RIMS4: variants seen among roughly 807,000 people sequenced by gnomAD.
RIMS4 encodes regulating synaptic membrane exocytosis 4, also known as regulating synaptic membrane exocytosis protein 4.
A neutral mutation model predicts 29.0 loss-of-function variants in RIMS4; 9 were observed. The observed-to-expected ratio is 0.31, with a 90% CI of 0.19 to 0.54. RIMS4 has a LOEUF of 0.54. RIMS4 is among the 20% of genes least tolerant of loss of function. RIMS4 has a pLI of 0.94. For missense variants in RIMS4, 193 were observed against 365.7 expected (o/e 0.53, Z 3.85); for synonymous variants, 130 against 152.9 (o/e 0.85, Z 1.10).
At chr20:44,767,545 C>T (rs965372118) in intron 2 of RIMS4, among the ~76,000 whole-genome samples, 1 of 152,188 alleles carries the variant, frequency 6.6e-6, no homozygotes, top group African/African-American at 2.4e-5. Context: ...ACCAAACCAT[C>T]CTGGAAGCCT....
At chr20:44,800,158 C>G (rs939783611) in intron 1 of RIMS4, among the ~76,000 whole-genome samples, 1 of 152,192 alleles carries the variant, frequency 6.6e-6, no homozygotes, top group African/African-American at 2.4e-5. Flanking sequence ...TTCTCTGGAA[C>G]TCTCACAGTG....
chr20:44,777,349 T>C (rs2066164600), intron 1 of RIMS4, among the ~76,000 whole-genome samples: 1 of 152,222 alleles, frequency 6.6e-6, no homozygotes, highest in Non-Finnish European at 1.5e-5. Flanking sequence ...TTAATGTACG[T>C]TCTCCCAAAA....
At position 44,810,521 on chromosome 20, in the gene RIMS4, G is replaced by A. The variant is rs1421331911; in HGVS notation, c.-250C>T. On this transcript the variant is annotated 5_prime_UTR_variant, in exon 1 of 6. Coordinates refer to ENST00000372851, the MANE Select transcript of RIMS4 (RefSeq NM_182970.4). ...GGCGGCGGCGGCGGCGGCGGTGGCG[G>A]CGGCGGTGGCGGCGCAGCGCGCTCT... is the stretch of plus-strand genomic sequence containing the variant. 6.9e-6 allele frequency among the ~76,000 whole-genome samples: 1 copy of A among 145,432 alleles called. No individual in the cohort carries two copies. The highest frequency in any genetic ancestry group is 2.5e-5 in the African/African-American group (1 of 40,568).
rs147959476 is a variant in RIMS4, at chr20:44,769,997, C to T, written c.236+1278G>A. ...GTTGTCGCTAGCCACAAGTTGCTAG[C>T]GAGCACTTGAAATATGGCTAGTGCA... On this transcript the variant is annotated intron_variant, in intron 2 of 5. Coordinates refer to ENST00000372851, the MANE Select transcript of RIMS4 (RefSeq NM_182970.4). 7.0e-3 allele frequency among the ~76,000 whole-genome samples: 1,068 copies of T among 152,292 alleles called. 2 individuals carry two copies. Among genetic ancestry groups the T allele is most frequent in the Non-Finnish European group, 0.011 (724 of 68,018 alleles).
chr20:44,783,542 T>C (rs2066194315), intron 1 of RIMS4, among the ~76,000 whole-genome samples: 1 of 151,982 alleles, frequency 6.6e-6, no homozygotes, highest in South Asian at 2.1e-4. Context: ...GAGAATCACT[T>C]GAACCCAGGA....
At chr20:44,798,204 G>A (rs2066262882) in intron 1 of RIMS4, among the ~76,000 whole-genome samples, 1 of 152,212 alleles carries the variant, frequency 6.6e-6, no homozygotes, top group African/African-American at 2.4e-5. Context: ...CCTCCAAAGA[G>A]GGACTTGGAA....
At chr20:44,803,418 A>G (rs1431774283) in intron 1 of RIMS4, among the ~76,000 whole-genome samples, 2 of 152,166 alleles carry the variant, frequency 1.3e-5, no homozygotes, top group African/African-American at 4.8e-5. Context: ...CAGTCTTGGA[A>G]AGCCAGACCT....
chr20:44,780,530 A>G (rs905260016), intron 1 of RIMS4, among the ~76,000 whole-genome samples: 1 of 152,192 alleles, frequency 6.6e-6, no homozygotes, highest in African/African-American at 2.4e-5. Flanking sequence ...CCACATAAAG[A>G]CAGGAATTTC....
In RIMS4 at chr20:44,789,532, G is replaced by A. The variant is rs1032452907; in HGVS notation, c.98-18119C>T. Reference sequence around the variant, plus strand: ...AGGATGGTCTCAATCTCCTGGCCTCGTGATCCGCCCGTCATCACAATATGA... The same window carrying A: ...AGGATGGTCTCAATCTCCTGGCCTCATGATCCGCCCGTCATCACAATATGA... On this transcript the variant is annotated intron_variant, in intron 1 of 5. Transcript: ENST00000372851. 3.9e-5 allele frequency among the ~76,000 whole-genome samples: 6 copies of A among 152,038 alleles called. No individual in the cohort carries two copies. In the South Asian group the frequency reaches 6.2e-4, roughly 16 times the overall value.
In RIMS4 at chr20:44,808,176, C is replaced by T. The variant is rs544626583; in HGVS notation, c.97+1999G>A. On this transcript the variant is annotated intron_variant, in intron 1 of 5. Coordinates refer to ENST00000372851, the MANE Select transcript of RIMS4 (RefSeq NM_182970.4). ...ATACACACACACCCCCATCCATTTGCGGGCAAAAAGGGGATAGACAAGATG... is the reference window on the plus strand; with the variant it reads ...ATACACACACACCCCCATCCATTTGTGGGCAAAAAGGGGATAGACAAGATG... Among the ~76,000 whole-genome samples, 12 of 151,668 alleles carry T rather than the reference C, an allele frequency of 7.9e-5. No individual in the cohort carries two copies. The South Asian group carries it at 1.2e-3, about 16-fold the overall frequency.
At chr20:44,764,854 A>G (rs889876458) in intron 2 of RIMS4, among the ~76,000 whole-genome samples, 3 of 152,370 alleles carry the variant, frequency 2.0e-5, no homozygotes, top group South Asian at 2.1e-4. Context: ...GCCCTGTGCC[A>G]GGATATACCA....
intron 1 of RIMS4, among the ~76,000 whole-genome samples, chr20:44,772,129 G>A (rs1257890816): frequency 2.6e-5 from 4 of 152,038 alleles, no homozygotes; most frequent in South Asian, 2.1e-4. Context: ...AGAATAACAG[G>A]CTCTTATGAG....
intron 1 of RIMS4, among the ~76,000 whole-genome samples, chr20:44,779,173 C>G: frequency 6.6e-6 from 1 of 152,214 alleles, no homozygotes; most frequent in Middle Eastern, 3.2e-3. Flanking sequence ...ATTTCTTACC[C>G]ATCATCCTGC....
Position 44,751,990 on chromosome 20 carries a change from A to C in RIMS4, c.*4144T>G, listed in dbSNP as rs2066034689. 6.6e-6 allele frequency: 1 copy of C among 152,108 alleles called. No homozygotes were observed. The highest frequency in any genetic ancestry group is 2.4e-5 in the African/African-American group (1 of 41,374). The allele number at this position is 152,108 out of a possible 1,614,324, so 9.4% of individuals were successfully genotyped here. On this transcript the variant is annotated 3_prime_UTR_variant, in exon 6 of 6. Transcript: ENST00000372851. ...ATGGAGAGAGGCCCCCAGCCTAAGG[A>C]CCCAGGCTCCTGCCTTCCCACCACC...
At position 44,756,813 on chromosome 20, in the gene RIMS4, C is replaced by A. The variant is rs368235827; in HGVS notation, c.591+85G>T. The A allele has an allele frequency of 7.1e-7, 1 of 1,401,842 alleles. No individual in the cohort carries two copies. The highest frequency in any genetic ancestry group is 9.5e-7 in the Non-Finnish European group (1 of 1,049,526). The allele number at this position is 1,401,842 out of a possible 1,614,324, so 86.8% of individuals were successfully genotyped here. On this transcript the variant is annotated intron_variant, in intron 5 of 5. Coordinates refer to ENST00000372851, the MANE Select transcript of RIMS4 (RefSeq NM_182970.4). This position sits in a 1 kb window ranked among gnomAD's most constrained non-coding sequence, Gnocchi z 5.9. ...GGCGAGGCCCTCCAGAGACACCCCC[C>A]GCCAGGGGTGCCCTCCTCTCATTCT... is the stretch of plus-strand genomic sequence containing the variant.
At chr20:44,764,134 CCA>C (rs2066100193) in intron 2 of RIMS4, among the ~76,000 whole-genome samples, 1 of 80,664 alleles carries the variant, frequency 1.2e-5, no homozygotes, top group Non-Finnish European at 3.0e-5. Context: ...ATCCATCCAT[CCA>C]TTTATGCATC....
At chr20:44,769,952 T>A (rs923065176) in intron 2 of RIMS4, among the ~76,000 whole-genome samples, 1 of 152,226 alleles carries the variant, frequency 6.6e-6, no homozygotes, top group Non-Finnish European at 1.5e-5. Flanking sequence ...AATGTTCTAT[T>A]TTCTGCACCA....
chr20:44,760,967 T>C (rs2066082230), intron 2 of RIMS4, among the ~76,000 whole-genome samples: 1 of 152,172 alleles, frequency 6.6e-6, no homozygotes, highest in Non-Finnish European at 1.5e-5. Context: ...GATCAGTAGC[T>C]GTGACTTGTG....
rs573731320 is a variant in RIMS4 at position 44,753,655 on chromosome 20, A to T, written c.*2479T>A. The T allele has an allele frequency of 6.6e-6, 1 of 152,626 alleles. No homozygotes were observed. The highest frequency in any genetic ancestry group is 2.1e-4 in the South Asian group (1 of 4,832). The allele number at this position is 152,626 out of a possible 1,614,324, so 9.5% of individuals were successfully genotyped here. On this transcript the variant is annotated 3_prime_UTR_variant, in exon 6 of 6. Transcript: ENST00000372851. Reference sequence around the variant, plus strand: ...TGAAGCTTCTCCGAAGCTAATGATGAAAATGTCACTCTCCTCCCCAAACCC... The same window carrying T: ...TGAAGCTTCTCCGAAGCTAATGATGTAAATGTCACTCTCCTCCCCAAACCC...
Sources: gnomAD v4.1 joint callset for allele counts (sites outside exome capture counted in the v4.1 genomes callset) on GRCh38, gnomAD v4.1.1 for gene constraint, Gnocchi (gnomAD v3.1) non-coding constraint, MANE v1.5 for transcripts, NCBI Gene and HGNC (gene_info 2026-07-23, HGNC 2026-07-21) for gene names.